Variants in GPATCH2 observed in about 807,000 individuals in gnomAD.
GPATCH2 encodes the protein G patch domain-containing protein 2.
A neutral mutation model predicts 58.0 loss-of-function variants in GPATCH2; 51 were observed. That is an observed-to-expected ratio of 0.88 (90% CI 0.70 to 1.11). The LOEUF (loss-of-function observed/expected upper bound fraction) is 1.11, where lower values mean the gene tolerates loss of function less well. Among genes scored for constraint, GPATCH2 ranks in the 50% most tolerant of loss-of-function variants. The pLI is 0.00. For missense variants in GPATCH2, 625 were observed against 652.2 expected (o/e 0.96, Z 0.45); for synonymous variants, 222 against 218.5 (o/e 1.02, Z -0.14).
chr1:217,507,609 G>A (rs1662624930), intron 6 of GPATCH2, among the ~76,000 whole-genome samples: 1 of 152,152 alleles, frequency 6.6e-6, no homozygotes, highest in Non-Finnish European at 1.5e-5. Context: ...GGCAGATGGT[G>A]TTTAAAATAA....
At chr1:217,542,693 G>A (rs868110046) in intron 5 of GPATCH2, among the ~76,000 whole-genome samples, 60 of 152,152 alleles carry the variant, frequency 3.9e-4, no homozygotes, top group Admixed American at 6.5e-4. Context: ...TTTTAAAAAT[G>A]TCTCAGCATA....
chr1:217,588,285 G>T (rs1667434155), intron 5 of GPATCH2, among the ~76,000 whole-genome samples: 1 of 152,114 alleles, frequency 6.6e-6, no homozygotes, highest in Non-Finnish European at 1.5e-5. Flanking sequence ...CTAAGAACTG[G>T]TAGCAATTAC....
rs1663117141 is a variant in GPATCH2 at position 217,515,859 on chromosome 1, G to A, written c.1099-970C>T. Among the ~76,000 whole-genome samples, 5 of 150,132 alleles carry A rather than the reference G, an allele frequency of 3.3e-5. No homozygotes were observed. The South Asian group carries it at 1.0e-3, about 31-fold the overall frequency. ...GATATTTCCGAGGACCAATGTATTT[G>A]TAGCTAGATCCTAAATATAAATAAC... On this transcript the variant is annotated intron_variant, in intron 5 of 9. Coordinates refer to ENST00000366935, the MANE Select transcript of GPATCH2 (RefSeq NM_018040.5).
intron 5 of GPATCH2, among the ~76,000 whole-genome samples, chr1:217,524,067 A>G (rs1448636851): frequency 2.7e-4 from 36 of 133,308 alleles, no homozygotes; most frequent in East Asian, 1.5e-3. Flanking sequence ...GCGGCTGGCC[A>G]GGCGGGGGGC....
chr1:217,498,286 TC>T, intron 7 of GPATCH2, 69 bp downstream of exon 7: 1 of 1,145,608 alleles, frequency 8.7e-7, no homozygotes, highest in South Asian at 1.2e-5. Context: ...TGATCTACTC[TC>T]CTGAAGGGAG....
At chr1:217,618,729 G>A (rs1438895036) in intron 2 of GPATCH2, among the ~76,000 whole-genome samples, 5 of 152,088 alleles carry the variant, frequency 3.3e-5, no homozygotes, top group Admixed American at 3.3e-4. Context: ...GGAGGCCAAG[G>A]TGGGTGGATC....
chr1:217,550,096 A>G (rs916378538), intron 5 of GPATCH2, among the ~76,000 whole-genome samples: 2 of 152,146 alleles, frequency 1.3e-5, no homozygotes, highest in African/African-American at 2.4e-5. Flanking sequence ...CCCACAGAAT[A>G]TAAGACTTTG....
At chr1:217,585,503 C>T (rs1324753388) in intron 5 of GPATCH2, among the ~76,000 whole-genome samples, 1 of 152,068 alleles carries the variant, frequency 6.6e-6, no homozygotes, top group East Asian at 1.9e-4. Flanking sequence ...TCCTGTAGTT[C>T]CAGCTACTCG....
At chr1:217,528,384 A>G (rs1664024573) in intron 5 of GPATCH2, among the ~76,000 whole-genome samples, 1 of 152,194 alleles carries the variant, frequency 6.6e-6, no homozygotes, top group Admixed American at 6.5e-5. Flanking sequence ...TGCTTTCTAG[A>G]TCCTGTATCA....
At chr1:217,596,890 A>G (rs1263106360) in intron 5 of GPATCH2, among the ~76,000 whole-genome samples, 1 of 152,168 alleles carries the variant, frequency 6.6e-6, no homozygotes, top group Admixed American at 6.5e-5. Context: ...AAAGAAAAGA[A>G]CACTAGCTAG....
intron 5 of GPATCH2, among the ~76,000 whole-genome samples, chr1:217,523,069 T>C (rs1406307969): frequency 6.6e-6 from 1 of 151,912 alleles, no homozygotes; most frequent in Non-Finnish European, 1.5e-5. Flanking sequence ...GTGGAAGTAA[T>C]TTTATATTCA....
chr1:217,607,984 G>A (rs1286728212), intron 5 of GPATCH2, among the ~76,000 whole-genome samples: 1 of 152,112 alleles, frequency 6.6e-6, no homozygotes, highest in Non-Finnish European at 1.5e-5. Flanking sequence ...TGGCTTTCCA[G>A]TGTGAAAGTT....
At chr1:217,587,118 C>T (rs974368207) in intron 5 of GPATCH2, among the ~76,000 whole-genome samples, 2 of 152,036 alleles carry the variant, frequency 1.3e-5, no homozygotes, top group African/African-American at 4.8e-5. Flanking sequence ...TCTCAGATAG[C>T]TAGTTAAAAG....
intron 9 of GPATCH2, among the ~76,000 whole-genome samples, chr1:217,435,431 G>A (rs1263871527): frequency 2.6e-5 from 4 of 152,168 alleles, no homozygotes; most frequent in Non-Finnish European, 4.4e-5. Flanking sequence ...AATCTATCCA[G>A]CTGACTGCAA....
chr1:217,543,875 A>C (rs1664884183), intron 5 of GPATCH2, among the ~76,000 whole-genome samples: 1 of 152,188 alleles, frequency 6.6e-6, no homozygotes. Context: ...TTATAACCAA[A>C]GATGAGAAAC....
chr1:217,631,039 G>C lies in GPATCH2; in HGVS notation c.-68C>G. On this transcript the variant is annotated 5_prime_UTR_variant, in exon 1 of 10. Coordinates refer to ENST00000366935, the MANE Select transcript of GPATCH2 (RefSeq NM_018040.5). ...ACAGACTCCAACTACAACAGCACCGGCGACTTCCAAAGAGCAGTTCAGCAT... is the reference window on the plus strand; with the variant it reads ...ACAGACTCCAACTACAACAGCACCGCCGACTTCCAAAGAGCAGTTCAGCAT... 1.4e-6 allele frequency: 2 copies of C among 1,427,162 alleles called. No individual in the cohort carries two copies. Among genetic ancestry groups the C allele is most frequent in the Admixed American group, 2.0e-5 (1 of 50,120 alleles). The allele number at this position is 1,427,162 out of a possible 1,614,324, so 88.4% of individuals were successfully genotyped here.
chr1:217,629,736 T>A (rs1166118780), intron 1 of GPATCH2, among the ~76,000 whole-genome samples: 3 of 152,240 alleles, frequency 2.0e-5, no homozygotes, highest in Non-Finnish European at 4.4e-5. Flanking sequence ...ATGCTAGTTA[T>A]ACCATTAAAA....
intron 5 of GPATCH2, among the ~76,000 whole-genome samples, chr1:217,567,136 T>A (rs527930730): frequency 6.9e-6 from 1 of 145,882 alleles, no homozygotes; most frequent in South Asian, 2.3e-4. Context: ...AACCTCCACC[T>A]CCTAGGTTCA....
intron 5 of GPATCH2, among the ~76,000 whole-genome samples, chr1:217,588,160 A>G (rs1167418499): frequency 6.6e-6 from 1 of 152,186 alleles, no homozygotes; most frequent in African/African-American, 2.4e-5. Flanking sequence ...CCCTTGGATA[A>G]TCCATCCTTC....
Sources: gnomAD v4.1 joint callset for allele counts (sites outside exome capture counted in the v4.1 genomes callset) on GRCh38, gnomAD v4.1.1 for gene constraint, MANE v1.5 for transcripts, NCBI Gene and HGNC (gene_info 2026-07-23, HGNC 2026-07-21) for gene names.